MRTFB: variants seen among roughly 807,000 people sequenced by gnomAD.
The protein encoded by MRTFB is myocardin-related transcription factor B.
A neutral mutation model predicts 104.2 loss-of-function variants in MRTFB; 29 were observed. The ratio of observed to expected loss-of-function variants is 0.28; its 90% CI spans 0.21 to 0.38. The LOEUF (loss-of-function observed/expected upper bound fraction) is 0.38. Ranked by LOEUF, MRTFB falls within the 10% of genes least tolerant of loss-of-function variation. The probability of loss-of-function intolerance (pLI) is 1.00; values close to 1 mark genes in which losing one functional copy is unlikely to be tolerated. For synonymous variants in MRTFB, 535 were observed against 519.5 expected, an observed-to-expected ratio of 1.03 and a Z score of -0.41; for missense variants, 1,270 against 1,341.6, an observed-to-expected ratio of 0.95 and a Z score of 0.83.
At chr16:14,107,259 A>G (rs2036030494) in intron 2 of MRTFB, among the ~76,000 whole-genome samples, 1 of 152,172 alleles carries the variant, frequency 6.6e-6, no homozygotes, top group Non-Finnish European at 1.5e-5. Flanking sequence ...AAAACGGAGG[A>G]AAAAGTCTTT....
rs2043882988 is a variant in MRTFB, at chr16:14,264,601, A to T, written c.*3157A>T. The T allele has an allele frequency of 6.6e-6, 1 of 152,196 alleles. No individual in the cohort carries two copies. The highest frequency in any genetic ancestry group is 2.4e-5 in the African/African-American group (1 of 41,442). 9.4% of individuals were successfully genotyped at this position (152,196 alleles called of 1,614,324 possible). On this transcript the variant is annotated 3_prime_UTR_variant, in exon 17 of 17. Coordinates refer to ENST00000571589, the MANE Select transcript of MRTFB (RefSeq NM_001308142.2). ...GTTTGTTTCATATGAATATTTTTGT[A>T]ATTCTAAAAGAGATCTTATTTAAAT... is the stretch of plus-strand genomic sequence containing the variant.
At chr16:14,194,255 C>T (rs919337009) in intron 3 of MRTFB, among the ~76,000 whole-genome samples, 1 of 152,196 alleles carries the variant, frequency 6.6e-6, no homozygotes, top group Non-Finnish European at 1.5e-5. Flanking sequence ...TTACTTTTCT[C>T]ACAGTTCTGG....
intron 1 of MRTFB, among the ~76,000 whole-genome samples, chr16:14,074,879 C>T (rs1348654750): frequency 1.3e-5 from 2 of 152,058 alleles, no homozygotes; most frequent in Non-Finnish European, 2.9e-5. Flanking sequence ...ATATAAGAAC[C>T]ATTTTTTTGA....
At chr16:14,222,265 G>A (rs2041760386) in intron 8 of MRTFB, among the ~76,000 whole-genome samples, 1 of 152,108 alleles carries the variant, frequency 6.6e-6, no homozygotes, top group African/African-American at 2.4e-5. Context: ...ATTTTGTCAT[G>A]TATTTATTAC....
chr16:14,017,707 ATATATTTTTTTTT>A, the MRTFB span, among the ~76,000 whole-genome samples: 5 of 18,824 alleles, frequency 2.7e-4, no homozygotes, highest in East Asian at 4.7e-3. Context: ...ATATATATAT[ATATATTTTTTTTT>A]TTTTTTTTTT....
At chr16:14,047,076 A>G in the MRTFB span, among the ~76,000 whole-genome samples, 1 of 152,352 alleles carries the variant, frequency 6.6e-6, no homozygotes, top group East Asian at 1.9e-4. Flanking sequence ...TTCCTGCCTC[A>G]TAGTGCACAG....
At chr16:14,140,907 A>G in intron 3 of MRTFB, 147 bp downstream of exon 3, 1 of 692,400 alleles carries the variant, frequency 1.4e-6, no homozygotes. Flanking sequence ...ATGGTTTTTA[A>G]TAACAGGCAG....
chr16:14,132,933 G>A (rs888434973), intron 2 of MRTFB, among the ~76,000 whole-genome samples: 2 of 152,092 alleles, frequency 1.3e-5, no homozygotes, highest in East Asian at 3.8e-4. Flanking sequence ...TATGCCAGTC[G>A]TAGTAATTTA....
intron 10 of MRTFB, among the ~76,000 whole-genome samples, chr16:14,244,382 C>T (rs1318955910): frequency 6.6e-6 from 1 of 152,308 alleles, no homozygotes; most frequent in Non-Finnish European, 1.5e-5. Flanking sequence ...ATACATGTGT[C>T]TTTCTGTTAG....
chr16:14,220,254 T>TAA (rs1316903545), intron 8 of MRTFB, among the ~76,000 whole-genome samples: 1 of 152,180 alleles, frequency 6.6e-6, no homozygotes, highest in African/African-American at 2.4e-5. Context: ...AAAAATTCAG[T>TAA]AAAAAGAATG....
chr16:14,184,890 T>C (rs1173987924), intron 3 of MRTFB, among the ~76,000 whole-genome samples: 1 of 152,230 alleles, frequency 6.6e-6, no homozygotes, highest in East Asian at 1.9e-4. Flanking sequence ...AGAAGCTTTG[T>C]GACTTGAGTC....
intron 2 of MRTFB, among the ~76,000 whole-genome samples, chr16:14,089,096 C>G (rs1205985844): frequency 6.6e-6 from 1 of 152,146 alleles, no homozygotes; most frequent in Non-Finnish European, 1.5e-5. Flanking sequence ...TCAACCAGGC[C>G]TCTGCACGGA....
the MRTFB span, among the ~76,000 whole-genome samples, chr16:14,036,321 T>TATATATATATATATATA: frequency 3.9e-4 from 50 of 127,610 alleles, no homozygotes; most frequent in East Asian, 7.2e-4. Context: ...TATATATATA[T>TATATATATATATATATA]GATGTCCACC....
At chr16:14,097,121 A>G (rs894831897) in intron 2 of MRTFB, among the ~76,000 whole-genome samples, 2 of 152,216 alleles carry the variant, frequency 1.3e-5, no homozygotes, top group Non-Finnish European at 2.9e-5. Flanking sequence ...GACCTTATAA[A>G]TTATTCTAAG....
chr16:14,086,132 A>G (rs1253759776), intron 2 of MRTFB, among the ~76,000 whole-genome samples: 3 of 152,238 alleles, frequency 2.0e-5, no homozygotes, highest in South Asian at 2.1e-4. Flanking sequence ...TCCGCATTTC[A>G]TTAAAAATAG....
chr16:14,200,982 A>G, intron 3 of MRTFB: 3 of 1,445,060 alleles, frequency 2.1e-6, no homozygotes, highest in Non-Finnish European at 2.9e-6. Context: ...GAAGAGAGAA[A>G]GCTTATGTGC....
chr16:14,128,596 C>T (rs1295705534), intron 2 of MRTFB, among the ~76,000 whole-genome samples: 1 of 152,216 alleles, frequency 6.6e-6, no homozygotes, highest in Non-Finnish European at 1.5e-5. Flanking sequence ...AGTTAACCCC[C>T]TGCTTTCATT....
intron 3 of MRTFB, among the ~76,000 whole-genome samples, chr16:14,166,297 A>G (rs567611473): frequency 6.6e-6 from 1 of 150,834 alleles, no homozygotes; most frequent in South Asian, 2.1e-4. Context: ...TGTACAATAC[A>G]TATCCATATA....
At chr16:14,097,608 C>T (rs2035458238) in intron 2 of MRTFB, among the ~76,000 whole-genome samples, 1 of 152,172 alleles carries the variant, frequency 6.6e-6, no homozygotes, top group Non-Finnish European at 1.5e-5. Context: ...GTAAACTGCA[C>T]ATTTAAAGTG....
Sources: gnomAD v4.1 joint callset for allele counts (sites outside exome capture counted in the v4.1 genomes callset) on GRCh38, gnomAD v4.1.1 for gene constraint, MANE v1.5 for transcripts, NCBI Gene and HGNC (gene_info 2026-07-23, HGNC 2026-07-21) for gene names.